Variants in LIN7C observed in about 807,000 individuals in gnomAD.
The protein encoded by LIN7C is lin-7 cell polarity scaffold C, also known as protein lin-7 homolog C.
Under a neutral mutation model 24.7 loss-of-function variants are expected in LIN7C, and 17 were observed. The observed-to-expected ratio is 0.69, with a 90% CI of 0.47 to 1.03. The LOEUF (loss-of-function observed/expected upper bound fraction) is 1.03. LIN7C is among the 50% of genes least tolerant of loss of function. LIN7C has a pLI of 0.00. For missense variants in LIN7C, 204 were observed against 239.0 expected, an observed-to-expected ratio of 0.85 and a Z score of 0.97; for synonymous variants, 90 against 83.4, an observed-to-expected ratio of 1.08 and a Z score of -0.43.
Position 27,502,065 on chromosome 11 carries a change from G to A in LIN7C, c.38-145C>T, listed in dbSNP as rs1243956207. 3.1e-5 allele frequency: 18 copies of A among 584,942 alleles called. No individual in the cohort carries two copies. The East Asian group carries it at 4.8e-4, about 15-fold the overall frequency. 36.2% of individuals were successfully genotyped at this position (584,942 alleles called of 1,614,324 possible). A position where few individuals can be genotyped will look rare whatever the true frequency, so the allele number is the denominator to read the frequency against. Reference sequence around the variant, plus strand: ...AAAAAGCATTGAATTTGCACATTTGGTGGGAAGGAGACTGTGTGTGTGTAC... The same window carrying A: ...AAAAAGCATTGAATTTGCACATTTGATGGGAAGGAGACTGTGTGTGTGTAC... On this transcript the variant is annotated intron_variant, in intron 1 of 4. Coordinates refer to ENST00000278193, the MANE Select transcript of LIN7C (RefSeq NM_018362.4).
At chr11:27,498,861 C>T in intron 4 of LIN7C, 57 bp from the exon 5 acceptor site, 1 of 1,452,000 alleles carries the variant, frequency 6.9e-7, no homozygotes, top group Non-Finnish European at 9.5e-7. Context: ...GAAAGTAACT[C>T]AAAATGCAAA....
chr11:27,505,646 G>A (rs1865276123), intron 1 of LIN7C, among the ~76,000 whole-genome samples: 1 of 152,204 alleles, frequency 6.6e-6, no homozygotes, highest in Admixed American at 6.5e-5. Context: ...GAAGGCATTA[G>A]GAAAGAGGTT....
At chr11:27,501,449 T>C in intron 3 of LIN7C, 46 bp downstream of exon 3, 1 of 1,181,068 alleles carries the variant, frequency 8.5e-7, no homozygotes, top group South Asian at 1.3e-5. Context: ...ATTTTAAACT[T>C]CTAATTTATG....
At chr11:27,499,215 A>T in intron 4 of LIN7C, 144 bp downstream of exon 4, 1 of 642,132 alleles carries the variant, frequency 1.6e-6, no homozygotes, top group East Asian at 2.7e-5. Context: ...GCTTAAAAAA[A>T]AGGATCACTG....
Position 27,501,507 on chromosome 11 carries a change from G to A in LIN7C, c.216C>T (p.Asn72=), listed in dbSNP as rs766832039. ...CAAAAAAATTTACCTTTGCAGTAGC[G>A]TTCGCTCTCACTTCAGGACTGCTAC... ...DISSSPEVRA[N]ATAKATVAAF... is the part of the protein sequence containing the mutation. Residue 72 remains asparagine, a synonymous_variant, in exon 3 of 5, where the codon AAC becomes AAT. Transcript: ENST00000278193. 21 of 1,591,796 alleles carry A rather than the reference G, an allele frequency of 1.3e-5. No individual in the cohort carries two copies. Among genetic ancestry groups the A allele is most frequent in the Admixed American group, 3.7e-5 (2 of 54,580 alleles).
intron 1 of LIN7C, among the ~76,000 whole-genome samples, chr11:27,502,357 G>A (rs897688266): frequency 2.0e-5 from 3 of 152,140 alleles, no homozygotes; most frequent in African/African-American, 4.8e-5. Flanking sequence ...GCACTGAACA[G>A]TACAAGGCAC....
At position 27,501,990 on chromosome 11, in the gene LIN7C, G is replaced by GTTAGGAT. The variant is rs1590442510; in HGVS notation, c.38-77_38-71dup. 2.2e-5 allele frequency: 20 copies of GTTAGGAT among 910,228 alleles called. No homozygotes were observed. In the East Asian group the frequency reaches 4.6e-4, roughly 21 times the overall value. The allele number at this position is 910,228 out of a possible 1,614,324, so 56.4% of individuals were successfully genotyped here. A position where few individuals can be genotyped will look rare whatever the true frequency, so the allele number is the denominator to read the frequency against. On this transcript the variant is annotated intron_variant, in intron 1 of 4. Transcript: ENST00000278193. ...TCAATGCCTATGTAACAGTGGGGCA[G>GTTAGGAT]TTAGGATTCATTCCTCAAGGGCAAA...
At position 27,498,796 on chromosome 11, in the gene LIN7C, T is replaced by C; in HGVS notation, c.447A>G (p.Glu149=). 1 of 1,613,558 alleles carries C rather than the reference T, an allele frequency of 6.2e-7. No individual in the cohort carries two copies. The highest frequency in any genetic ancestry group is 8.5e-7 in the Non-Finnish European group (1 of 1,179,814). Residue 149 remains glutamate, a synonymous_variant, in exon 5 of 5, where the codon GAA becomes GAG. Coordinates refer to ENST00000278193, the MANE Select transcript of LIN7C (RefSeq NM_018362.4). ...CTACAGCTTTTTCATGATGTTCTCCTTCAACACTCTAGGGGAAAAAAAAAC... is the reference window on the plus strand; with the variant it reads ...CTACAGCTTTTTCATGATGTTCTCCCTCAACACTCTAGGGGAAAAAAAAAC... The part of the protein sequence containing the change: ...QLLSVNGVSV[E]GEHHEKAVEL...
In LIN7C at chr11:27,498,291, T is replaced by G. The variant is rs1281338935; in HGVS notation, c.*358A>C. ...CTTTACTTTTAAATCAGCAGCTAAA[T>G]GAAGAAAACTTTTCCTTTCTAAAAA... On this transcript the variant is annotated 3_prime_UTR_variant, in exon 5 of 5. Transcript: ENST00000278193. The G allele has an allele frequency of 6.2e-6, 1 of 160,740 alleles. No homozygotes were observed. 10.0% of individuals were successfully genotyped at this position (160,740 alleles called of 1,614,324 possible). A position where few individuals can be genotyped will look rare whatever the true frequency, so the allele number is the denominator to read the frequency against.
Position 27,503,674 on chromosome 11 carries a change from C to T in LIN7C, c.38-1754G>A, listed in dbSNP as rs1327308667. The stretch of plus-strand genomic sequence containing the variant: ...GATTACAGGAGTCCACCACCATGCT[C>T]GGCTAATTTTTGTATTTTTAGTAGA... On this transcript the variant is annotated intron_variant, in intron 1 of 4. Coordinates refer to ENST00000278193, the MANE Select transcript of LIN7C (RefSeq NM_018362.4). Among the ~76,000 whole-genome samples, 11 of 152,052 alleles carry T rather than the reference C, an allele frequency of 7.2e-5. No homozygotes were observed. In the East Asian group the frequency reaches 1.2e-3, roughly 16 times the overall value.
chr11:27,501,744 G>C (rs186658795), intron 2 of LIN7C, 58 bp downstream of exon 2: 22 of 1,082,634 alleles, frequency 2.0e-5, no homozygotes, highest in Admixed American at 4.5e-5. Context: ...CCCAAATTTA[G>C]AGTATTATCT....
At position 27,506,765 on chromosome 11, in the gene LIN7C, C is replaced by G. The variant is rs201747531; in HGVS notation, c.-13G>C. On this transcript the variant is annotated 5_prime_UTR_variant, in exon 1 of 5. Coordinates refer to ENST00000278193, the MANE Select transcript of LIN7C (RefSeq NM_018362.4). ...CTAGCGCCGCCATCTTCTCCCTTAA[C>G]CTACAGACCCACAGGAAATGACGAC... The G allele has an allele frequency of 1.4e-4, 230 of 1,614,154 alleles. 3 individuals are homozygous for G. The South Asian group carries it at 1.9e-3, about 13-fold the overall frequency.
chr11:27,502,607 C>T (rs2133490267), intron 1 of LIN7C, among the ~76,000 whole-genome samples: 1 of 152,280 alleles, frequency 6.6e-6, no homozygotes, highest in East Asian at 1.9e-4. Context: ...TTAGCTTTAT[C>T]AATCTGGTCT....
Position 27,498,208 on chromosome 11 carries a change from G to A in LIN7C, c.*441C>T, listed in dbSNP as rs1865188988. The A allele has an allele frequency of 6.5e-6, 1 of 153,752 alleles. No individual in the cohort carries two copies. The highest frequency in any genetic ancestry group is 1.4e-5 in the Non-Finnish European group (1 of 69,610). The allele number at this position is 153,752 out of a possible 1,614,324, so 9.5% of individuals were successfully genotyped here. A position where few individuals can be genotyped will look rare whatever the true frequency, so the allele number is the denominator to read the frequency against. Reference sequence around the variant, plus strand: ...GTTATGCTTAATTTCTTGGAAAACTGTAAAGAAATTTCACAGGTTAAAAAA... The same window carrying A: ...GTTATGCTTAATTTCTTGGAAAACTATAAAGAAATTTCACAGGTTAAAAAA... On this transcript the variant is annotated 3_prime_UTR_variant, in exon 5 of 5. Transcript: ENST00000278193.
chr11:27,500,340 C>T (rs1030489651), intron 3 of LIN7C, among the ~76,000 whole-genome samples: 1 of 152,130 alleles, frequency 6.6e-6, no homozygotes, highest in African/African-American at 2.4e-5. Context: ...ATCATTTTGG[C>T]TTCTGTACTA....
rs1299746841 is a variant in LIN7C, at chr11:27,494,603, G to A, written c.*4046C>T. The A allele has an allele frequency of 1.3e-5, 2 of 151,980 alleles. No individual in the cohort carries two copies. Among genetic ancestry groups the A allele is most frequent in the African/African-American group, 4.8e-5 (2 of 41,338 alleles). 9.4% of individuals were successfully genotyped at this position (151,980 alleles called of 1,614,324 possible). A position where few individuals can be genotyped will look rare whatever the true frequency, so the allele number is the denominator to read the frequency against. On this transcript the variant is annotated 3_prime_UTR_variant, in exon 5 of 5. Coordinates refer to ENST00000278193, the MANE Select transcript of LIN7C (RefSeq NM_018362.4). ...ACTCATACAAATTTATTTTAAATAA[G>A]CCTTAAAATCAGAATTAAATTGATA...
rs1865155168 is a variant in LIN7C at position 27,495,391 on chromosome 11, T to G, written c.*3258A>C. On this transcript the variant is annotated 3_prime_UTR_variant, in exon 5 of 5. Coordinates refer to ENST00000278193, the MANE Select transcript of LIN7C (RefSeq NM_018362.4). ...GCTGAGGCAGGAGAATTGCTTGAAC[T>G]GCCTTGAGGTGGCGGAGGCTGAAGT... 6.6e-6 allele frequency: 1 copy of G among 151,776 alleles called. No homozygotes were observed. The highest frequency in any genetic ancestry group is 2.4e-5 in the African/African-American group (1 of 41,258). 9.4% of individuals were successfully genotyped at this position (151,776 alleles called of 1,614,324 possible). A position where few individuals can be genotyped will look rare whatever the true frequency, so the allele number is the denominator to read the frequency against.
At chr11:27,499,222 A>T in intron 4 of LIN7C, 137 bp downstream of exon 4, 1 of 652,654 alleles carries the variant, frequency 1.5e-6, no homozygotes, top group Non-Finnish European at 2.6e-6. Flanking sequence ...AAAAAGGATC[A>T]CTGTATTAAT....
intron 3 of LIN7C, 147 bp downstream of exon 3, chr11:27,501,348 T>C (rs1865223921): frequency 3.3e-6 from 2 of 607,816 alleles, no homozygotes; most frequent in Admixed American, 7.0e-5. Context: ...GAAACAAATG[T>C]CTTATTTCTT....
Sources: allele counts gnomAD v4.1 joint callset (sites outside exome capture counted in the v4.1 genomes callset), GRCh38; gene constraint gnomAD v4.1.1; transcripts MANE v1.5; gene names NCBI Gene and HGNC (gene_info 2026-07-23, HGNC 2026-07-21).